Variants in RBFOX1 observed in about 807,000 individuals in gnomAD.
The protein encoded by RBFOX1 is RNA binding fox-1 homolog 1, also known as RNA binding protein fox-1 homolog 1.
A neutral mutation model predicts 57.7 loss-of-function variants in RBFOX1; 8 were observed. The observed-to-expected ratio is 0.14, with a 90% confidence interval of 0.08 to 0.25. The LOEUF is 0.25. RBFOX1 is among the 10% of genes least tolerant of loss of function. The pLI, the probability that RBFOX1 is intolerant of heterozygous loss-of-function variation, is 1.00. For synonymous variants in RBFOX1, 326 were observed against 222.4 expected, an observed-to-expected ratio of 1.47 and a Z score of -4.15; for missense variants, 611 against 548.5, an observed-to-expected ratio of 1.11 and a Z score of -1.14.
chr16:5,982,185 A>G (rs577599998), intron 4 of RBFOX1, among the ~76,000 whole-genome samples: 31 of 152,154 alleles, frequency 2.0e-4, no homozygotes, highest in African/African-American at 7.5e-4. Context: ...ACCTTTACCC[A>G]AGCATGCTGA....
intron 4 of RBFOX1, among the ~76,000 whole-genome samples, chr16:7,229,591 G>GAGGAAGGAAGGA (rs367952346): frequency 2.9e-4 from 38 of 129,552 alleles, no homozygotes; most frequent in African/African-American, 1.4e-3. Context: ...AAGGGAGAGA[G>GAGGAAGGAAGGA]AGGAAGGAAG....
intron 2 of RBFOX1, among the ~76,000 whole-genome samples, chr16:5,562,030 T>G (rs2045907205): frequency 1.3e-5 from 2 of 152,188 alleles, no homozygotes; most frequent in African/African-American, 4.8e-5. Flanking sequence ...GGGAAACTTG[T>G]CTTTTGTCAG....
chr16:6,693,415 C>A (rs964191732), intron 3 of RBFOX1, among the ~76,000 whole-genome samples: 2 of 151,694 alleles, frequency 1.3e-5, no homozygotes, highest in African/African-American at 4.8e-5. Context: ...ACTACCATCA[C>A]CACTATCATT....
rs560176233 is a variant in RBFOX1 at position 6,108,565 on chromosome 16, T to G, written c.-127+88573T>G. ...GATTAGGAAGCAGACACTCAGAAAA[T>G]ATGGTGAGCTTATAAATGTTCTTTG... On this transcript the variant is annotated intron_variant, in intron 1 of 15. Coordinates refer to ENST00000550418, the MANE Select transcript of RBFOX1 (RefSeq NM_018723.4). Among the ~76,000 whole-genome samples, 11 of 152,306 alleles carry G rather than the reference T, an allele frequency of 7.2e-5. No individual in the cohort carries two copies. The South Asian group carries it at 2.3e-3, about 32-fold the overall frequency.
intron 2 of RBFOX1, among the ~76,000 whole-genome samples, chr16:6,549,921 T>C (rs2096960274): frequency 6.6e-6 from 1 of 152,142 alleles, no homozygotes; most frequent in Non-Finnish European, 1.5e-5. Context: ...CTCAGTTTGC[T>C]CTGCTTACCA....
chr16:5,612,247 G>T (rs988147611), intron 3 of RBFOX1, among the ~76,000 whole-genome samples: 5 of 141,382 alleles, frequency 3.5e-5, no homozygotes, highest in African/African-American at 1.3e-4. Flanking sequence ...TCTCCCATCA[G>T]TTCTCCCATC....
At chr16:7,572,209 C>T (rs1378319324) in intron 5 of RBFOX1, among the ~76,000 whole-genome samples, 3 of 152,166 alleles carry the variant, frequency 2.0e-5, no homozygotes, top group African/African-American at 4.8e-5. Context: ...CTTAACCATT[C>T]ACAAAGACTT....
Position 7,711,739 on chromosome 16 carries a change from G to C in RBFOX1, c.*994G>C, listed in dbSNP as rs2084032922. 1 of 152,560 alleles carries C rather than the reference G, an allele frequency of 6.6e-6. No homozygotes were observed. The highest frequency in any genetic ancestry group is 1.5e-5 in the Non-Finnish European group (1 of 68,026). 9.5% of individuals were successfully genotyped at this position (152,560 alleles called of 1,614,324 possible). A position where few individuals can be genotyped will look rare whatever the true frequency, so the allele number is the denominator to read the frequency against. ...TCTATGAAGCTTTAGTTTTAGCCTA[G>C]TAGAACAACTGTTAGAGACAGACGT... On this transcript the variant is annotated 3_prime_UTR_variant, in exon 16 of 16. Transcript: ENST00000550418.
intron 2 of RBFOX1, among the ~76,000 whole-genome samples, chr16:6,571,388 A>G (rs2153951647): frequency 6.6e-6 from 1 of 152,364 alleles, no homozygotes; most frequent in South Asian, 2.1e-4. Flanking sequence ...CATTCCTGTC[A>G]GGAATCAATA....
intron 1 of RBFOX1, among the ~76,000 whole-genome samples, chr16:6,240,696 G>A (rs775014918): frequency 1.3e-5 from 2 of 149,828 alleles, no homozygotes; most frequent in Admixed American, 1.3e-4. Flanking sequence ...AAAAAAAAAT[G>A]CCATTGCTGT....
At chr16:7,444,258 A>C (rs762758293) in intron 4 of RBFOX1, among the ~76,000 whole-genome samples, 7 of 152,176 alleles carry the variant, frequency 4.6e-5, no homozygotes, top group Non-Finnish European at 8.8e-5. Flanking sequence ...CTGTTTCCTA[A>C]TGGGTCATCC....
At chr16:5,239,954 G>C (rs1011467870) in exon 1 of RBFOX1, 4 of 1,527,200 alleles carry the variant, frequency 2.6e-6, no homozygotes, top group Non-Finnish European at 3.5e-6. Flanking sequence ...CGGCCCAGGA[G>C]GGAGGAGGAC....
chr16:6,074,140 G>A (rs1009291549), intron 1 of RBFOX1, among the ~76,000 whole-genome samples: 5 of 152,050 alleles, frequency 3.3e-5, no homozygotes, highest in South Asian at 2.1e-4. Context: ...AGTAGAGACA[G>A]GATTTCACCA....
chr16:6,112,247 G>C (rs915088073), intron 1 of RBFOX1, among the ~76,000 whole-genome samples: 1 of 152,168 alleles, frequency 6.6e-6, no homozygotes, highest in African/African-American at 2.4e-5. Flanking sequence ...GGTAGGAATT[G>C]AGAACAGTGT....
intron 5 of RBFOX1, among the ~76,000 whole-genome samples, chr16:7,550,811 G>A (rs1229276775): frequency 2.0e-5 from 3 of 151,892 alleles, no homozygotes; most frequent in East Asian, 1.9e-4. Flanking sequence ...ATGCTAATGG[G>A]GGTCAGGTGC....
rs117201545 is a variant in RBFOX1, at chr16:7,119,523, C to T, written c.27+67425C>T. ...TAGATGGGATATATTTAGGGCAATTCCCATCCTGTTTCACTTAGATATGTT... is the reference window on the plus strand; with the variant it reads ...TAGATGGGATATATTTAGGGCAATTTCCATCCTGTTTCACTTAGATATGTT... On this transcript the variant is annotated intron_variant, in intron 4 of 15. Coordinates refer to ENST00000550418, the MANE Select transcript of RBFOX1 (RefSeq NM_018723.4). Among the ~76,000 whole-genome samples, 1,490 of 152,072 alleles carry T rather than the reference C, an allele frequency of 9.8e-3. 15 individuals are homozygous for T. The highest frequency in any genetic ancestry group is 0.017 in the Non-Finnish European group (1,186 of 67,984).
At chr16:6,628,250 G>C (rs967360857) in intron 2 of RBFOX1, among the ~76,000 whole-genome samples, 1 of 152,144 alleles carries the variant, frequency 6.6e-6, no homozygotes, top group African/African-American at 2.4e-5. Context: ...GACAGCCAAC[G>C]TAAATTTTGC....
chr16:6,711,656 G>T (rs543056217), intron 3 of RBFOX1, among the ~76,000 whole-genome samples: 2 of 152,266 alleles, frequency 1.3e-5, no homozygotes, highest in African/African-American at 4.8e-5. Context: ...CCCCATCCGT[G>T]TGGAACTGTG....
chr16:6,023,614 T>G (rs2095128229), intron 1 of RBFOX1, among the ~76,000 whole-genome samples: 1 of 152,188 alleles, frequency 6.6e-6, no homozygotes, highest in Admixed American at 6.5e-5. Context: ...CCCAGTGGCG[T>G]GTAAGGAGAC....
Sources: allele counts gnomAD v4.1 joint callset (sites outside exome capture counted in the v4.1 genomes callset), GRCh38; gene constraint gnomAD v4.1.1; transcripts MANE v1.5; gene names NCBI Gene and HGNC (gene_info 2026-07-23, HGNC 2026-07-21).